The following PCNT variants were observed in gnomAD, a reference collection of about 807,000 sequenced individuals.
The protein encoded by PCNT is kendrin.
PCNT carries 319 observed loss-of-function variants against 380.4 expected under a neutral mutation model. That is an observed-to-expected ratio of 0.84 (90% CI 0.77 to 0.92). PCNT has a LOEUF of 0.92. PCNT is among the 40% of genes least tolerant of loss of function. The probability of loss-of-function intolerance (pLI) is 0.00; values close to 1 mark genes in which losing one functional copy is unlikely to be tolerated. For missense variants in PCNT, 4,400 were observed against 4,255.3 expected (o/e 1.03, Z -0.95); for synonymous variants, 1,845 against 1,735.2 (o/e 1.06, Z -1.57).
intron 37 of PCNT, 157 bp from the exon 38 acceptor site, chr21:46,431,372 C>G: frequency 6.8e-7 from 1 of 1,469,846 alleles, no homozygotes; most frequent in African/African-American, 1.4e-5. Flanking sequence ...ACTTGATGAA[C>G]TAACAAAAAA....
At chr21:46,335,059 G>C (rs753314694) in intron 3 of PCNT, among the ~76,000 whole-genome samples, 14 of 152,194 alleles carry the variant, frequency 9.2e-5, no homozygotes, top group Non-Finnish European at 1.3e-4. Context: ...ATGGGACATT[G>C]AAGAGAAGCC....
Position 46,347,889 on chromosome 21 carries a change from G to C in PCNT, c.1032+377G>C, listed in dbSNP as rs1171078599. ...GGGTGCCGGGGAGAATACCACACAG[G>C]GAGGAGGTTTTGGGTGGGGTGGGTT... On this transcript the variant is annotated intron_variant, in intron 6 of 46. Coordinates refer to ENST00000359568, the MANE Select transcript of PCNT (RefSeq NM_006031.6). Among the ~76,000 whole-genome samples the C allele has an allele frequency of 5.9e-5, 9 of 152,290 alleles. No individual in the cohort carries two copies. In the East Asian group the frequency reaches 1.7e-3, roughly 29 times the overall value.
intron 11 of PCNT, 121 bp from the exon 12 acceptor site, chr21:46,355,331 T>C: frequency 9.5e-7 from 1 of 1,054,430 alleles, no homozygotes; most frequent in Admixed American, 1.7e-5. Context: ...GCGTGTGGTC[T>C]CATGAACCTA....
chr21:46,444,592 G>T (rs2053701196), intron 45 of PCNT, 102 bp from the exon 46 acceptor site: 5 of 1,308,040 alleles, frequency 3.8e-6, no homozygotes, highest in Non-Finnish European at 5.4e-6. Flanking sequence ...GGTTGGCGGG[G>T]CTGGTGCCTT....
intron 2 of PCNT, among the ~76,000 whole-genome samples, chr21:46,327,557 C>T (rs567675174): frequency 2.0e-5 from 3 of 152,200 alleles, no homozygotes; most frequent in South Asian, 2.1e-4. Context: ...TGAGCCACTG[C>T]GCCTGGCCCT....
At chr21:46,360,755 C>CTTGT (rs2084686067) in intron 13 of PCNT, among the ~76,000 whole-genome samples, 3 of 147,774 alleles carry the variant, frequency 2.0e-5, no homozygotes, top group Non-Finnish European at 4.5e-5. Context: ...CCTGACTTCC[C>CTTGT]GATCCGCCCA....
At chr21:46,339,141 C>A (rs188694756) in intron 3 of PCNT, among the ~76,000 whole-genome samples, 14 of 152,302 alleles carry the variant, frequency 9.2e-5, no homozygotes, top group African/African-American at 3.4e-4. Flanking sequence ...ATCTCGAACT[C>A]ATGATCTCAG....
rs142788795 is a variant in PCNT at position 46,346,003 on chromosome 21, G to A, written c.640-125G>A. ...GTTGCTCCCACCTTCTGGCCGTTGC[G>A]AGTGGTGCTGCTGTGAACAGCTGCG... is the stretch of plus-strand genomic sequence containing the variant. On this transcript the variant is annotated intron_variant, in intron 3 of 46. Transcript: ENST00000359568. The A allele has an allele frequency of 3.6e-3, 3,180 of 886,384 alleles. 17 individuals carry two copies. The highest frequency in any genetic ancestry group is 0.019 in the Middle Eastern group (89 of 4,658). 54.9% of individuals were successfully genotyped at this position (886,384 alleles called of 1,614,324 possible). A position where few individuals can be genotyped will look rare whatever the true frequency, so the allele number is the denominator to read the frequency against.
intron 6 of PCNT, among the ~76,000 whole-genome samples, chr21:46,348,678 A>G (rs1271677812): frequency 6.6e-6 from 1 of 152,156 alleles, no homozygotes; most frequent in Non-Finnish European, 1.5e-5. Flanking sequence ...GCAGTGGCAC[A>G]ATCACAGCTC....
chr21:46,430,259 A>G (rs1462106467), intron 36 of PCNT, 27 bp downstream of exon 36: 3 of 1,582,256 alleles, frequency 1.9e-6, no homozygotes, highest in Admixed American at 3.4e-5. Context: ...TTCCTGGGAC[A>G]CTGGCGGGAG....
At chr21:46,427,295 C>G (rs2087548632) in intron 33 of PCNT, among the ~76,000 whole-genome samples, 1 of 152,214 alleles carries the variant, frequency 6.6e-6, no homozygotes, top group Non-Finnish European at 1.5e-5. Context: ...GGCTGTCAGT[C>G]TGCTCAGCTG....
rs769702787 is a variant in PCNT, at chr21:46,418,207, A to G, written c.6925A>G (p.Lys2309Glu). The G allele has an allele frequency of 6.4e-7, 1 of 1,570,774 alleles. No individual in the cohort carries two copies. Among genetic ancestry groups the G allele is most frequent in the Non-Finnish European group, 8.8e-7 (1 of 1,141,442 alleles). ...CCATTTAAAAATCTCTTAACAGGAG[A>G]AAGATGTCGAAGATTTTATCACAAC... ...DHHVQRTAVE[K>E]DVEDFITTSF... The change falls in exon 31 of 47, where the codon AAA (lysine) becomes GAA (glutamate). Residue 2309 changes from lysine to glutamate, a missense_variant. Coordinates refer to ENST00000359568, the MANE Select transcript of PCNT (RefSeq NM_006031.6).
intron 14 of PCNT, among the ~76,000 whole-genome samples, chr21:46,364,502 G>T (rs2084831263): frequency 6.6e-6 from 1 of 152,214 alleles, no homozygotes. Flanking sequence ...AACAGCAGAA[G>T]CTAAACCTCT....
At chr21:46,368,447 C>CAA (rs564219349) in intron 15 of PCNT, among the ~76,000 whole-genome samples, 2 of 135,188 alleles carry the variant, frequency 1.5e-5, no homozygotes, top group South Asian at 4.8e-4. Context: ...GACTCTGTCT[C>CAA]AAAAAAAAAA....
chr21:46,439,955 C>A, intron 41 of PCNT, 128 bp from the exon 42 acceptor site: 1 of 1,071,018 alleles, frequency 9.3e-7, no homozygotes. Flanking sequence ...GAGGAGGGGC[C>A]AGGTGTGGTG....
intron 17 of PCNT, among the ~76,000 whole-genome samples, chr21:46,386,581 C>A (rs1357331259): frequency 6.6e-6 from 1 of 152,244 alleles, no homozygotes; most frequent in Non-Finnish European, 1.5e-5. Context: ...GTGGGGCCGC[C>A]TTCCCTGAAC....
chr21:46,403,554 T>C (rs9981889), intron 27 of PCNT, among the ~76,000 whole-genome samples: 15 of 104,174 alleles, frequency 1.4e-4, no homozygotes, highest in African/African-American at 5.0e-4. Context: ...CGTGGGAGAA[T>C]TGTGTGTGTG....
intron 3 of PCNT, among the ~76,000 whole-genome samples, chr21:46,338,527 C>T (rs2083822836): frequency 6.6e-6 from 1 of 151,910 alleles, no homozygotes; most frequent in Non-Finnish European, 1.5e-5. Flanking sequence ...GTGCATGGTA[C>T]ACAGTTTGTT....
In PCNT at chr21:46,365,727, G is replaced by A. The variant is rs184851905; in HGVS notation, c.2610-857G>A. 3.3e-4 allele frequency among the ~76,000 whole-genome samples: 48 copies of A among 146,144 alleles called. No individual in the cohort carries two copies. The East Asian group carries it at 8.3e-3, about 25-fold the overall frequency. Reference sequence around the variant, plus strand: ...GTGGGGTTCTGTTCACTGCTGTGGGGTTCTATTCACTGCCGTGGGGTTCTA... The same window carrying A: ...GTGGGGTTCTGTTCACTGCTGTGGGATTCTATTCACTGCCGTGGGGTTCTA... On this transcript the variant is annotated intron_variant, in intron 14 of 46. Coordinates refer to ENST00000359568, the MANE Select transcript of PCNT (RefSeq NM_006031.6).
Sources: gnomAD v4.1 joint callset for allele counts (sites outside exome capture counted in the v4.1 genomes callset) on GRCh38, gnomAD v4.1.1 for gene constraint, MANE v1.5 for transcripts, NCBI Gene and HGNC (gene_info 2026-07-23, HGNC 2026-07-21) for gene names.